Variants in PIP5K1B observed in about 807,000 individuals in gnomAD.
PIP5K1B encodes the protein phosphatidylinositol 4-phosphate 5-kinase type-1 beta.
A neutral mutation model predicts 67.0 loss-of-function variants in PIP5K1B; 42 were observed. The ratio of observed to expected loss-of-function variants is 0.63; its 90% CI spans 0.49 to 0.81. PIP5K1B has a LOEUF of 0.81. PIP5K1B is among the 30% of genes least tolerant of loss of function. The pLI is 0.00. For missense variants in PIP5K1B, 459 were observed against 646.3 expected, an observed-to-expected ratio of 0.71 and a Z score of 3.14; for synonymous variants, 214 against 231.4, an observed-to-expected ratio of 0.92 and a Z score of 0.68.
intron 2 of PIP5K1B, among the ~76,000 whole-genome samples, chr9:68,787,384 C>G (rs924403284): frequency 3.3e-5 from 5 of 152,168 alleles, no homozygotes; most frequent in African/African-American, 1.2e-4. Context: ...TTTAAGAAGT[C>G]TCCAGTCCTT....
chr9:68,724,837 ATTTTC>A (rs1564089681), intron 1 of PIP5K1B, among the ~76,000 whole-genome samples: 1 of 152,114 alleles, frequency 6.6e-6, no homozygotes, highest in East Asian at 1.9e-4. Context: ...AAGGCTTTCA[ATTTTC>A]CTTCTACTAC....
At chr9:68,933,559 A>C (rs60774937) in intron 12 of PIP5K1B, among the ~76,000 whole-genome samples, 1,674 of 152,282 alleles carry the variant, frequency 0.011, 29 homozygotes, top group African/African-American at 0.038. Flanking sequence ...CAACTTAAGA[A>C]AAGAAAGACA....
chr9:68,926,944 G>C (rs568080234), intron 12 of PIP5K1B, among the ~76,000 whole-genome samples: 2 of 151,984 alleles, frequency 1.3e-5, no homozygotes, highest in South Asian at 4.2e-4. Context: ...TCCCCATTCC[G>C]TCCTCTTCCC....
intron 4 of PIP5K1B, among the ~76,000 whole-genome samples, chr9:68,857,479 T>C (rs1421310978): frequency 1.3e-5 from 2 of 152,194 alleles, no homozygotes; most frequent in Non-Finnish European, 2.9e-5. Flanking sequence ...CTTAATTCTC[T>C]CAGTGGGACA....
Position 68,986,354 on chromosome 9 carries a change from C to T in PIP5K1B, c.1503-4786C>T, listed in dbSNP as rs1051775811. ...TTTCCTTATGACTAAGGACATTAAG[C>T]ATCTTTTTATATGCTTATTGACCAT... On this transcript the variant is annotated intron_variant, in intron 14 of 15. Coordinates refer to ENST00000265382, the MANE Select transcript of PIP5K1B (RefSeq NM_003558.4). 1.3e-5 allele frequency among the ~76,000 whole-genome samples: 2 copies of T among 152,168 alleles called. 1 individual carries two copies. Among genetic ancestry groups the T allele is most frequent in the African/African-American group, 4.8e-5 (2 of 41,446 alleles).
chr9:68,977,347 TC>T (rs1829678431), intron 14 of PIP5K1B, among the ~76,000 whole-genome samples: 1 of 151,954 alleles, frequency 6.6e-6, no homozygotes, highest in South Asian at 2.1e-4. Context: ...CCTGGGGAAA[TC>T]CCATCTCTAC....
At chr9:68,965,264 C>T (rs2132778302) in intron 14 of PIP5K1B, among the ~76,000 whole-genome samples, 1 of 152,206 alleles carries the variant, frequency 6.6e-6, no homozygotes, top group East Asian at 1.9e-4. Flanking sequence ...TATTCTATGA[C>T]TCAATTAGTT....
intron 2 of PIP5K1B, chr9:68,780,768 T>C (rs143027854): frequency 1.7e-4 from 282 of 1,614,224 alleles, no homozygotes; most frequent in Admixed American, 2.3e-4. Flanking sequence ...TCTTGGACCA[T>C]TGAAAAGAAA....
At chr9:68,730,966 A>C (rs1419625724) in intron 1 of PIP5K1B, among the ~76,000 whole-genome samples, 2 of 152,262 alleles carry the variant, frequency 1.3e-5, no homozygotes. Flanking sequence ...CAGGCAGGCC[A>C]CTGGTTTCCT....
chr9:68,709,456 C>T (rs1173447339), intron 1 of PIP5K1B, among the ~76,000 whole-genome samples: 2 of 152,140 alleles, frequency 1.3e-5, no homozygotes, highest in Admixed American at 6.5e-5. Context: ...TGGTCTGTAA[C>T]TCGTGGATTC....
intron 8 of PIP5K1B, among the ~76,000 whole-genome samples, chr9:68,908,828 T>A (rs1825733220): frequency 6.6e-6 from 1 of 152,200 alleles, no homozygotes; most frequent in Non-Finnish European, 1.5e-5. Context: ...TTTTGAATTT[T>A]CTGACATTAT....
chr9:68,913,212 T>C (rs570381563), intron 8 of PIP5K1B, among the ~76,000 whole-genome samples: 2 of 152,374 alleles, frequency 1.3e-5, no homozygotes, highest in East Asian at 3.8e-4. Flanking sequence ...TTCCTTTTTT[T>C]ACAAGTAGGG....
intron 14 of PIP5K1B, chr9:68,963,103 A>C (rs1256264233): frequency 1.8e-5 from 8 of 455,506 alleles, no homozygotes; most frequent in African/African-American, 6.0e-5. Context: ...TTTCCAAAGC[A>C]TCACAGCCAT....
intron 2 of PIP5K1B, among the ~76,000 whole-genome samples, chr9:68,750,440 C>T (rs1240598814): frequency 7.2e-5 from 11 of 152,330 alleles, no homozygotes; most frequent in South Asian, 4.1e-4. Flanking sequence ...GCTTTCTCGT[C>T]GGTGACGTAG....
Position 68,776,977 on chromosome 9 carries a change from A to G in PIP5K1B, c.-86+34320A>G, listed in dbSNP as rs367892974. 1.1e-4 allele frequency among the ~76,000 whole-genome samples: 17 copies of G among 152,300 alleles called. No homozygotes were observed. In the East Asian group the frequency reaches 2.3e-3, roughly 21 times the overall value. On this transcript the variant is annotated intron_variant, in intron 2 of 15. Transcript: ENST00000265382. Reference sequence around the variant, plus strand: ...GTGCTGAACATTTTAATTCTATCAAATTTTTATTAGCATATCGTTGAAAAA... The same window carrying G: ...GTGCTGAACATTTTAATTCTATCAAGTTTTTATTAGCATATCGTTGAAAAA...
At chr9:68,877,625 A>G (rs1453350071) in intron 6 of PIP5K1B, among the ~76,000 whole-genome samples, 1 of 152,220 alleles carries the variant, frequency 6.6e-6, no homozygotes, top group Non-Finnish European at 1.5e-5. Context: ...AAGTATAGCA[A>G]CACGTGTAAC....
At chr9:68,897,986 C>G (rs955407979) in intron 8 of PIP5K1B, among the ~76,000 whole-genome samples, 1 of 152,180 alleles carries the variant, frequency 6.6e-6, no homozygotes, top group African/African-American at 2.4e-5. Flanking sequence ...AAGACCTGAA[C>G]AGCCTCATCC....
intron 13 of PIP5K1B, among the ~76,000 whole-genome samples, chr9:68,936,268 T>C (rs1827263091): frequency 6.6e-6 from 1 of 152,172 alleles, no homozygotes; most frequent in Admixed American, 6.5e-5. Flanking sequence ...GTCCTGATTT[T>C]AAAGGGAGTA....
At chr9:68,746,679 C>T (rs1396927002) in intron 2 of PIP5K1B, among the ~76,000 whole-genome samples, 1 of 152,168 alleles carries the variant, frequency 6.6e-6, no homozygotes, top group African/African-American at 2.4e-5. Flanking sequence ...TGGTCTTGTC[C>T]TCTCTGTGCC....
Sources: allele counts gnomAD v4.1 joint callset (sites outside exome capture counted in the v4.1 genomes callset), GRCh38; gene constraint gnomAD v4.1.1; transcripts MANE v1.5; gene names NCBI Gene and HGNC (gene_info 2026-07-23, HGNC 2026-07-21).